Variants in TMEM108 observed in about 807,000 individuals in gnomAD.
TMEM108 encodes transmembrane protein 108.
In TMEM108, 12 loss-of-function variants were observed where a neutral mutation model predicts 35.1. The ratio of observed to expected loss-of-function variants is 0.34; its 90% CI spans 0.22 to 0.55. The LOEUF is 0.55. Ranked by LOEUF, TMEM108 falls within the 20% of genes least tolerant of loss-of-function variation. The pLI is 0.89. For synonymous variants in TMEM108, 287 were observed against 308.6 expected (o/e 0.93, Z 0.73); for missense variants, 680 against 753.3 (o/e 0.90, Z 1.14).
intron 3 of TMEM108, among the ~76,000 whole-genome samples, chr3:133,238,910 TGAG>T (rs1408963215): frequency 6.6e-6 from 1 of 152,214 alleles, no homozygotes; most frequent in Non-Finnish European, 1.5e-5. Context: ...TTCCCTAGTG[TGAG>T]GAGATGAACG....
At chr3:133,387,111 G>A (rs2073163824) in intron 4 of TMEM108, 1 of 985,516 alleles carries the variant, frequency 1.0e-6, no homozygotes, top group African/African-American at 1.7e-5. Context: ...CCACCCAATA[G>A]TCATATAACA....
chr3:133,166,844 A>G (rs1237560712), intron 2 of TMEM108, among the ~76,000 whole-genome samples: 1 of 152,220 alleles, frequency 6.6e-6, no homozygotes, highest in Non-Finnish European at 1.5e-5. Flanking sequence ...CTGCTGGCTT[A>G]GGCAGCCTGC....
chr3:133,191,706 G>A (rs79943130), intron 2 of TMEM108, among the ~76,000 whole-genome samples: 1 of 152,140 alleles, frequency 6.6e-6, no homozygotes, highest in African/African-American at 2.4e-5. Flanking sequence ...AGATTCATAT[G>A]TTATCACTGC....
chr3:133,338,537 C>T (rs1431839738), intron 3 of TMEM108, among the ~76,000 whole-genome samples: 1 of 151,958 alleles, frequency 6.6e-6, no homozygotes, highest in South Asian at 2.1e-4. Flanking sequence ...TTAGATCTGT[C>T]CTACAAGAAA....
chr3:133,089,219 A>G (rs1943918992), intron 2 of TMEM108, among the ~76,000 whole-genome samples: 1 of 152,290 alleles, frequency 6.6e-6, no homozygotes, highest in South Asian at 2.1e-4. Flanking sequence ...TTACAATTTG[A>G]CATGAGATTT....
intron 2 of TMEM108, among the ~76,000 whole-genome samples, chr3:133,123,752 C>T (rs1944381859): frequency 6.6e-6 from 1 of 152,208 alleles, no homozygotes; most frequent in Admixed American, 6.5e-5. Flanking sequence ...TTGCACCCTA[C>T]CAGCAGGAAA....
rs114555608 is a variant in TMEM108 at position 133,360,381 on chromosome 3, G to T, written c.41-19371G>T. ...AATAAAGTTAATTTTAAAAAGAAAA[G>T]AAATGTCTCTTAAAAGGGAACAATG... On this transcript the variant is annotated intron_variant, in intron 3 of 5. Transcript: ENST00000321871. Among the ~76,000 whole-genome samples, 950 of 152,218 alleles carry T rather than the reference G, an allele frequency of 6.2e-3. 13 individuals are homozygous for T. Among genetic ancestry groups the T allele is most frequent in the African/African-American group, 0.021 (892 of 41,546 alleles).
At chr3:133,180,999 C>G (rs1252195146) in intron 2 of TMEM108, among the ~76,000 whole-genome samples, 4 of 63,628 alleles carry the variant, frequency 6.3e-5, no homozygotes, top group African/African-American at 1.1e-4. Flanking sequence ...GGCTATTGGG[C>G]AGTTGTGTTA....
intron 2 of TMEM108, among the ~76,000 whole-genome samples, chr3:133,119,727 A>G (rs991264501): frequency 6.6e-6 from 1 of 152,208 alleles, no homozygotes; most frequent in Admixed American, 6.5e-5. Flanking sequence ...GCGATGTTTT[A>G]TTAGCATTTA....
intron 2 of TMEM108, among the ~76,000 whole-genome samples, chr3:133,063,423 G>A (rs6799090): frequency 0.071 from 10,793 of 152,188 alleles, 1,308 homozygotes; most frequent in African/African-American, 0.24. Context: ...CTACCTCTAA[G>A]CCTTGAAGTT....
chr3:133,244,394 C>A (rs913670970), intron 3 of TMEM108, among the ~76,000 whole-genome samples: 7 of 152,162 alleles, frequency 4.6e-5, no homozygotes, highest in Non-Finnish European at 8.8e-5. Context: ...TTCCTCCTCT[C>A]CTCTATGAAC....
At chr3:133,307,598 A>G (rs530327889) in intron 3 of TMEM108, among the ~76,000 whole-genome samples, 8 of 152,272 alleles carry the variant, frequency 5.3e-5, no homozygotes, top group East Asian at 3.9e-4. Context: ...ATGGCTAGCC[A>G]GTTTTCTCAG....
intron 3 of TMEM108, among the ~76,000 whole-genome samples, chr3:133,291,543 G>A (rs1298356710): frequency 2.0e-5 from 3 of 152,070 alleles, no homozygotes; most frequent in African/African-American, 7.2e-5. Flanking sequence ...CTCCCAAAGT[G>A]CTGGGATTAC....
At chr3:133,202,095 CT>C (rs1382606688) in intron 2 of TMEM108, among the ~76,000 whole-genome samples, 3 of 152,160 alleles carry the variant, frequency 2.0e-5, no homozygotes, top group Non-Finnish European at 2.9e-5. Context: ...ATATAAATGT[CT>C]TCTTTTGATA....
intron 2 of TMEM108, among the ~76,000 whole-genome samples, chr3:133,188,747 A>G (rs115363467): frequency 1.8e-3 from 268 of 152,274 alleles, no homozygotes; most frequent in African/African-American, 6.2e-3. Context: ...AAAAAGCCAA[A>G]ATCTCAGTGG....
At chr3:133,102,151 C>T (rs189996035) in intron 2 of TMEM108, among the ~76,000 whole-genome samples, 12 of 152,278 alleles carry the variant, frequency 7.9e-5, no homozygotes, top group East Asian at 1.9e-4. Context: ...CACACATGCC[C>T]CTCAACTGGG....
At chr3:133,200,785 G>A (rs1019118055) in intron 2 of TMEM108, among the ~76,000 whole-genome samples, 6 of 152,094 alleles carry the variant, frequency 3.9e-5, no homozygotes, top group Admixed American at 3.3e-4. Flanking sequence ...TATTAACTAT[G>A]TTGTCCAATA....
intron 2 of TMEM108, among the ~76,000 whole-genome samples, chr3:133,069,261 T>A (rs9833971): frequency 0.39 from 59,964 of 152,100 alleles, 12,496 homozygotes; most frequent in Admixed American, 0.47. Flanking sequence ...ATTTTATTGG[T>A]CCTAGATTAA....
At chr3:133,288,333 A>G (rs1463987442) in intron 3 of TMEM108, among the ~76,000 whole-genome samples, 5 of 152,234 alleles carry the variant, frequency 3.3e-5, no homozygotes, top group Admixed American at 6.5e-5. Context: ...AGATAGATGG[A>G]TGTGGCCTTA....
Sources: allele counts gnomAD v4.1 joint callset (sites outside exome capture counted in the v4.1 genomes callset), GRCh38; gene constraint gnomAD v4.1.1; transcripts MANE v1.5; gene names NCBI Gene and HGNC (gene_info 2026-07-23, HGNC 2026-07-21).